IRAK1BP1: variants seen among roughly 807,000 people sequenced by gnomAD.
IRAK1BP1 encodes interleukin-1 receptor-associated kinase 1-binding protein 1.
Under a neutral mutation model 28.0 loss-of-function variants are expected in IRAK1BP1, and 24 were observed. That is an observed-to-expected ratio of 0.86 (90% CI 0.62 to 1.20). The LOEUF is 1.20. Among genes scored for constraint, IRAK1BP1 ranks in the 50% most tolerant of loss-of-function variants. The pLI, the probability that IRAK1BP1 is intolerant of heterozygous loss-of-function variation, is 0.00. For synonymous variants in IRAK1BP1, 131 were observed against 116.3 expected (o/e 1.13, Z -0.81); for missense variants, 336 against 316.7 (o/e 1.06, Z -0.46).
chr6:78,948,929 C>T (rs1183170341), downstream of IRAK1BP1, among the ~76,000 whole-genome samples: 1 of 152,172 alleles, frequency 6.6e-6, no homozygotes, highest in African/African-American at 2.4e-5. Flanking sequence ...AGGATTACTG[C>T]CTTTACAAAT....
chr6:78,908,902 A>G (rs1413872903), intron 4 of IRAK1BP1, among the ~76,000 whole-genome samples: 1 of 152,210 alleles, frequency 6.6e-6, no homozygotes, highest in Non-Finnish European at 1.5e-5. Flanking sequence ...TGAAGGAGAT[A>G]GATAGGATCA....
chr6:78,965,371 T>C, the IRAK1BP1 span, among the ~76,000 whole-genome samples: 1 of 152,200 alleles, frequency 6.6e-6, no homozygotes, highest in Non-Finnish European at 1.5e-5. Flanking sequence ...CTCTTAACTA[T>C]TATGTTACAC....
In IRAK1BP1 at chr6:78,872,098, C is replaced by T. The variant is rs895333456; in HGVS notation, c.315+4207C>T. Reference sequence around the variant, plus strand: ...CTGAGGGAAATGAATGGAAAGAGACCCCAGCATCTTCACCCCTTGGGGTCG... The same window carrying T: ...CTGAGGGAAATGAATGGAAAGAGACTCCAGCATCTTCACCCCTTGGGGTCG... On this transcript the variant is annotated intron_variant, in intron 1 of 3. Coordinates refer to ENST00000369940, the MANE Select transcript of IRAK1BP1 (RefSeq NM_001010844.4). 6 of 700,426 alleles carry T rather than the reference C, an allele frequency of 8.6e-6. No individual in the cohort carries two copies. In the African/African-American group the frequency reaches 1.1e-4, roughly 12 times the overall value. 43.4% of individuals were successfully genotyped at this position (700,426 alleles called of 1,614,324 possible).
chr6:78,872,051 G>A lies in IRAK1BP1; in HGVS notation c.315+4160G>A, dbSNP rs1206451014. On this transcript the variant is annotated intron_variant, in intron 1 of 3. Coordinates refer to ENST00000369940, the MANE Select transcript of IRAK1BP1 (RefSeq NM_001010844.4). ...CCAGCCCCAGCAGCCTTCATCTGAA[G>A]GCTAATGTAGAACTAGAATGACTGA... 4 of 690,382 alleles carry A rather than the reference G, an allele frequency of 5.8e-6. No homozygotes were observed. The East Asian group carries it at 1.1e-4, about 19-fold the overall frequency. The allele number at this position is 690,382 out of a possible 1,614,324, so 42.8% of individuals were successfully genotyped here.
At chr6:78,878,371 T>C (rs1771090305) in intron 1 of IRAK1BP1, among the ~76,000 whole-genome samples, 1 of 152,208 alleles carries the variant, frequency 6.6e-6, no homozygotes, top group African/African-American at 2.4e-5. Flanking sequence ...CCGCTGCTGA[T>C]ACCCAGGCAA....
At chr6:78,937,605 AAGAC>A (rs1773323584) in intron 4 of IRAK1BP1, 1 of 151,768 alleles carries the variant, frequency 6.6e-6, no homozygotes, top group Non-Finnish European at 1.5e-5. Context: ...GGATTGGAGG[AAGAC>A]AGTTTTATAA....
intron 2 of IRAK1BP1, among the ~76,000 whole-genome samples, chr6:78,891,211 T>G (rs945558329): frequency 4.6e-5 from 7 of 152,142 alleles, no homozygotes; most frequent in Non-Finnish European, 8.8e-5. Context: ...TCCCAGGAAT[T>G]CAATGAAGAC....
chr6:78,954,806 A>G, the IRAK1BP1 span: 4 of 1,562,268 alleles, frequency 2.6e-6, no homozygotes, highest in African/African-American at 4.2e-5. Flanking sequence ...ATTTTCAAAA[A>G]TACTTACTGG....
chr6:78,928,723 T>C (rs550567681), intron 4 of IRAK1BP1, among the ~76,000 whole-genome samples: 1 of 152,322 alleles, frequency 6.6e-6, no homozygotes, highest in African/African-American at 2.4e-5. Context: ...ATTTTTATCA[T>C]GAAGGGATGT....
At chr6:78,908,105 C>T (rs1739090202) in intron 4 of IRAK1BP1, among the ~76,000 whole-genome samples, 1 of 151,164 alleles carries the variant, frequency 6.6e-6, no homozygotes, top group Non-Finnish European at 1.5e-5. Flanking sequence ...GGCTGGAGTG[C>T]ATTGGTGTAA....
chr6:78,899,920 A>G lies in IRAK1BP1; in HGVS notation c.*1586A>G, dbSNP rs923928958. 1.3e-5 allele frequency: 2 copies of G among 152,198 alleles called. No homozygotes were observed. Among genetic ancestry groups the G allele is most frequent in the Non-Finnish European group, 2.9e-5 (2 of 68,040 alleles). 9.4% of individuals were successfully genotyped at this position (152,198 alleles called of 1,614,324 possible). A position where few individuals can be genotyped will look rare whatever the true frequency, so the allele number is the denominator to read the frequency against. The stretch of plus-strand genomic sequence containing the variant: ...AGTGTATATTTTTACATAATAGCAC[A>G]TCTCAATTCACATGCTAAATTTTCA... On this transcript the variant is annotated 3_prime_UTR_variant, in exon 4 of 4. Coordinates refer to ENST00000369940, the MANE Select transcript of IRAK1BP1 (RefSeq NM_001010844.4).
At chr6:78,895,602 G>T (rs1771852817) in intron 2 of IRAK1BP1, among the ~76,000 whole-genome samples, 1 of 152,060 alleles carries the variant, frequency 6.6e-6, no homozygotes. Flanking sequence ...TCAGAAATTG[G>T]TCAATCTAAT....
chr6:78,878,443 T>C (rs190556298), intron 1 of IRAK1BP1, among the ~76,000 whole-genome samples: 225 of 152,256 alleles, frequency 1.5e-3, no homozygotes, highest in African/African-American at 4.9e-3. Context: ...GTCCTGACTG[T>C]TAGAATGAAA....
At chr6:78,972,815 G>T in the IRAK1BP1 span, among the ~76,000 whole-genome samples, 71 of 152,092 alleles carry the variant, frequency 4.7e-4, no homozygotes, top group East Asian at 1.9e-4. Flanking sequence ...AAGCGAGAAG[G>T]GAAGTTTAGA....
At chr6:78,948,670 A>G (rs975480916), downstream of IRAK1BP1, among the ~76,000 whole-genome samples, 1 of 151,944 alleles carries the variant, frequency 6.6e-6, no homozygotes. Context: ...AATTTTTATA[A>G]TTTTTGTAGA....
intron 4 of IRAK1BP1, among the ~76,000 whole-genome samples, chr6:78,913,411 C>T (rs777393273): frequency 5.9e-5 from 9 of 151,864 alleles, no homozygotes; most frequent in Admixed American, 6.6e-5. Context: ...TTTGGGAGGC[C>T]GAGGCAGGTG....
intron 4 of IRAK1BP1, among the ~76,000 whole-genome samples, chr6:78,920,616 C>T (rs979546595): frequency 1.2e-4 from 19 of 152,124 alleles, no homozygotes; most frequent in African/African-American, 4.6e-4. Flanking sequence ...ATTCCTTTCA[C>T]CATATACAAA....
At chr6:78,953,775 G>A in the IRAK1BP1 span, among the ~76,000 whole-genome samples, 23 of 152,046 alleles carry the variant, frequency 1.5e-4, no homozygotes, top group Non-Finnish European at 2.9e-4. Flanking sequence ...TAGTAGAGAC[G>A]GGATTTTACC....
At chr6:78,885,225 G>C (rs1211286279) in intron 1 of IRAK1BP1, among the ~76,000 whole-genome samples, 153 bp from the exon 2 acceptor site, 1 of 152,046 alleles carries the variant, frequency 6.6e-6, no homozygotes, top group Non-Finnish European at 1.5e-5. Flanking sequence ...TTCATTTTAT[G>C]TCACTTTTAG....
Sources: gnomAD v4.1 joint callset for allele counts (sites outside exome capture counted in the v4.1 genomes callset) on GRCh38, gnomAD v4.1.1 for gene constraint, MANE v1.5 for transcripts, NCBI Gene and HGNC (gene_info 2026-07-23, HGNC 2026-07-21) for gene names.